Variants in LRRC37A2 observed in about 807,000 individuals in gnomAD.
LRRC37A2 encodes leucine rich repeat containing 37 member A2.
A neutral mutation model predicts 68.8 loss-of-function variants in LRRC37A2; 9 were observed. The observed-to-expected ratio is 0.13, with a 90% confidence interval of 0.08 to 0.23. The LOEUF (loss-of-function observed/expected upper bound fraction) is 0.23, where lower values mean the gene tolerates loss of function less well. Among genes scored for constraint, LRRC37A2 ranks in the 10% least tolerant of loss-of-function variants. The probability of loss-of-function intolerance (pLI) is 1.00; values close to 1 mark genes in which losing one functional copy is unlikely to be tolerated. For missense variants in LRRC37A2, 168 were observed against 950.4 expected (o/e 0.18, Z 10.82); for synonymous variants, 63 against 367.6 (o/e 0.17, Z 9.48).
the LRRC37A2 span, among the ~76,000 whole-genome samples, chr17:46,974,987 C>CTTTTTTTTTTT: frequency 1.1e-3 from 135 of 119,052 alleles, 3 homozygotes; most frequent in East Asian, 2.2e-3. Flanking sequence ...TTACTATTTT[C>CTTTTTTTTTTT]TTTTTTTTTT....
the LRRC37A2 span, chr17:46,851,841 G>A: frequency 6.7e-6 from 3 of 448,592 alleles, no homozygotes; most frequent in Non-Finnish European, 1.1e-5. This position sits in a 1 kb window ranked among gnomAD's most constrained non-coding sequence, Gnocchi z 4.3. Context: ...TCAGACCCTA[G>A]CCCGGCGCGA....
chr17:46,728,712 AT>A, the LRRC37A2 span: 475 of 431,558 alleles, frequency 1.1e-3, no homozygotes, highest in African/African-American at 3.0e-3. Context: ...TACTCTTTAA[AT>A]TTTTTTTTTC....
the LRRC37A2 span, chr17:46,966,801 C>T: frequency 4.7e-6 from 2 of 424,466 alleles, no homozygotes; most frequent in South Asian, 8.4e-5. Context: ...TTGATGTGGC[C>T]GATGAGAAAA....
the LRRC37A2 span, chr17:46,978,591 G>T: frequency 6.5e-7 from 1 of 1,531,450 alleles, no homozygotes; most frequent in Non-Finnish European, 8.8e-7. Context: ...CGAGGGTCCG[G>T]GTCTCCGGGG....
the LRRC37A2 span, among the ~76,000 whole-genome samples, chr17:46,986,782 G>A: frequency 5.3e-5 from 8 of 152,136 alleles, no homozygotes; most frequent in African/African-American, 1.9e-4. Flanking sequence ...TTCTGTCCTG[G>A]ACACAGTGAT....
At chr17:46,940,768 T>C in the LRRC37A2 span, 1 of 1,527,374 alleles carries the variant, frequency 6.5e-7, no homozygotes, top group African/African-American at 1.4e-5. Flanking sequence ...GCCAGTCCTC[T>C]AGTTTGGAAT....
At chr17:46,788,461 G>T in the LRRC37A2 span, among the ~76,000 whole-genome samples, 1 of 152,284 alleles carries the variant, frequency 6.6e-6, no homozygotes, top group Middle Eastern at 3.4e-3. Context: ...TCTGGTAAAA[G>T]ACAAGACATA....
chr17:46,611,999 A>G, the LRRC37A2 span, among the ~76,000 whole-genome samples: 1 of 92,254 alleles, frequency 1.1e-5, no homozygotes, highest in Non-Finnish European at 2.1e-5. Flanking sequence ...GTTTATATCC[A>G]GAATATGCAA....
chr17:46,509,920 AAAAG>A (rs942047633), upstream of LRRC37A2, among the ~76,000 whole-genome samples: 18 of 68,276 alleles, frequency 2.6e-4, 3 homozygotes, highest in African/African-American at 5.3e-4. Flanking sequence ...GAAAAAAAAA[AAAAG>A]AAAAGAAAAA....
At chr17:46,864,412 C>A in the LRRC37A2 span, among the ~76,000 whole-genome samples, 20 of 152,196 alleles carry the variant, frequency 1.3e-4, 1 homozygote, top group Admixed American at 1.3e-3. Context: ...AGTATGTTCT[C>A]AAGCACTGGT....
the LRRC37A2 span, among the ~76,000 whole-genome samples, chr17:47,025,848 TA>T: frequency 3.4e-5 from 4 of 117,478 alleles, no homozygotes; most frequent in Non-Finnish European, 7.0e-5. Context: ...CATGAAATAA[TA>T]AAACTACGTT....
the LRRC37A2 span, among the ~76,000 whole-genome samples, chr17:46,927,981 C>T: frequency 1.3e-5 from 2 of 152,156 alleles, no homozygotes; most frequent in South Asian, 2.1e-4. Flanking sequence ...TTTCTGTCCC[C>T]GTTACCCTCC....
chr17:46,896,394 G>GA, the LRRC37A2 span, among the ~76,000 whole-genome samples: 1 of 49,376 alleles, frequency 2.0e-5, no homozygotes, highest in East Asian at 7.5e-4. Context: ...GAAAGAAAGA[G>GA]AAAGAAAGAA....
chr17:46,418,215 T>TTTGTG, the LRRC37A2 span, among the ~76,000 whole-genome samples: 74 of 62,680 alleles, frequency 1.2e-3, 4 homozygotes, highest in South Asian at 9.1e-3. Flanking sequence ...GTGTGTGTGT[T>TTTGTG]TGTGTGTGTG....
chr17:46,729,006 C>A, the LRRC37A2 span: 2 of 923,622 alleles, frequency 2.2e-6, no homozygotes, highest in Admixed American at 2.4e-5. Context: ...ATGATACAAT[C>A]TTTAAATAAG....
At chr17:46,964,167 G>A in the LRRC37A2 span, 1 of 152,186 alleles carries the variant, frequency 6.6e-6, no homozygotes, top group Non-Finnish European at 1.5e-5. Context: ...GACATCAGGT[G>A]TTAGGGACCA....
chr17:46,998,276 G>A, the LRRC37A2 span, among the ~76,000 whole-genome samples: 2 of 152,200 alleles, frequency 1.3e-5, no homozygotes, highest in Non-Finnish European at 2.9e-5. Context: ...GGGTATGCTG[G>A]GAGTCCTAAT....
the LRRC37A2 span, chr17:46,938,781 GAA>G: frequency 6.2e-7 from 1 of 1,613,478 alleles, no homozygotes; most frequent in Non-Finnish European, 8.5e-7. Flanking sequence ...CTCAGTGGCT[GAA>G]CAGCATTCCC....
At chr17:46,807,899 T>C in the LRRC37A2 span, among the ~76,000 whole-genome samples, 1 of 152,190 alleles carries the variant, frequency 6.6e-6, no homozygotes, top group East Asian at 1.9e-4. Context: ...GGAGAAAGCA[T>C]GCTGGCTCCT....
Sources: allele counts gnomAD v4.1 joint callset (sites outside exome capture counted in the v4.1 genomes callset), GRCh38; gene constraint gnomAD v4.1.1; non-coding constraint Gnocchi (gnomAD v3.1); transcripts MANE v1.5; gene names NCBI Gene and HGNC (gene_info 2026-07-23, HGNC 2026-07-21).